IGF1R: variants seen among roughly 807,000 people sequenced by gnomAD.
The protein encoded by IGF1R is insulin like growth factor 1 receptor.
In IGF1R, 44 loss-of-function variants were observed where a neutral mutation model predicts 144.6. That is an observed-to-expected ratio of 0.30 (90% confidence interval 0.24 to 0.39). The LOEUF (loss-of-function observed/expected upper bound fraction) is 0.39, where lower values mean the gene tolerates loss of function less well. IGF1R is among the 10% of genes least tolerant of loss of function. IGF1R has a pLI of 1.00. For synonymous variants in IGF1R, 795 were observed against 722.8 expected, an observed-to-expected ratio of 1.10 and a Z score of -1.60; for missense variants, 1,355 against 1,833.7, an observed-to-expected ratio of 0.74 and a Z score of 4.77.
intron 2 of IGF1R, among the ~76,000 whole-genome samples, chr15:98,798,681 A>T (rs1269195337): frequency 6.6e-6 from 1 of 151,770 alleles, no homozygotes; most frequent in East Asian, 1.9e-4. Flanking sequence ...AGTGAGGAGG[A>T]TGAGATGAGG....
At chr15:98,815,075 T>TA (rs1334151281) in intron 2 of IGF1R, among the ~76,000 whole-genome samples, 3 of 152,260 alleles carry the variant, frequency 2.0e-5, no homozygotes, top group African/African-American at 7.2e-5. Context: ...TTAGCTCTAT[T>TA]CTGATACTGT....
At chr15:98,944,181 G>T (rs1387621054) in intron 19 of IGF1R, among the ~76,000 whole-genome samples, 1 of 152,154 alleles carries the variant, frequency 6.6e-6, no homozygotes, top group Non-Finnish European at 1.5e-5. Context: ...AGGTCAGCTT[G>T]TAGTATAATA....
At chr15:98,815,151 C>T (rs1034082600) in intron 2 of IGF1R, among the ~76,000 whole-genome samples, 1 of 152,106 alleles carries the variant, frequency 6.6e-6, no homozygotes, top group East Asian at 1.9e-4. Context: ...AAATCATATT[C>T]GAAATTTAAT....
chr15:98,681,269 C>T (rs943389410), intron 1 of IGF1R, among the ~76,000 whole-genome samples: 4 of 152,196 alleles, frequency 2.6e-5, no homozygotes, highest in African/African-American at 9.7e-5. Flanking sequence ...TACTTTCTGC[C>T]TGCACCTTGT....
chr15:98,962,397 G>A lies in IGF1R; in HGVS notation c.*4955G>A, dbSNP rs1170025208. On this transcript the variant is annotated 3_prime_UTR_variant, in exon 21 of 21. Coordinates refer to ENST00000650285, the MANE Select transcript of IGF1R (RefSeq NM_000875.5). Reference sequence around the variant, plus strand: ...GCAGCATTGGGAGATGTGGACCAGAGATCCACTCCTTAAGAACCAGTGGCG... The same window carrying A: ...GCAGCATTGGGAGATGTGGACCAGAAATCCACTCCTTAAGAACCAGTGGCG... The A allele has an allele frequency of 4.3e-6, 1 of 233,644 alleles. No homozygotes were observed. The highest frequency in any genetic ancestry group is 2.2e-5 in the African/African-American group (1 of 45,366). The allele number at this position is 233,644 out of a possible 1,614,324, so 14.5% of individuals were successfully genotyped here.
chr15:98,938,604 G>T (rs1464337345), intron 17 of IGF1R, among the ~76,000 whole-genome samples: 1 of 152,148 alleles, frequency 6.6e-6, no homozygotes, highest in African/African-American at 2.4e-5. Context: ...CTTGTCTTCC[G>T]TAATGCCGAC....
In IGF1R at chr15:98,682,915, C is replaced by G. The variant is rs559844240; in HGVS notation, c.95-24647C>G. Reference sequence around the variant, plus strand: ...AAATGTGATCAGTGGTTATACTTTTCTTGCTATGCATTTAAGTTGGAGCAG... The same window carrying G: ...AAATGTGATCAGTGGTTATACTTTTGTTGCTATGCATTTAAGTTGGAGCAG... On this transcript the variant is annotated intron_variant, in intron 1 of 20. Coordinates refer to ENST00000650285, the MANE Select transcript of IGF1R (RefSeq NM_000875.5). Among the ~76,000 whole-genome samples, 9 of 151,878 alleles carry G rather than the reference C, an allele frequency of 5.9e-5. No homozygotes were observed. In the East Asian group the frequency reaches 1.6e-3, roughly 26 times the overall value.
chr15:98,712,422 T>A (rs995422748), intron 2 of IGF1R, among the ~76,000 whole-genome samples: 1 of 152,138 alleles, frequency 6.6e-6, no homozygotes, highest in African/African-American at 2.4e-5. Context: ...GGTTCTTATG[T>A]CAGGAATGTG....
chr15:98,909,783 T>C (rs1437373710), intron 6 of IGF1R, among the ~76,000 whole-genome samples: 5 of 152,232 alleles, frequency 3.3e-5, no homozygotes, highest in African/African-American at 1.2e-4. Flanking sequence ...TATTGCTTTT[T>C]AAATTGAGAA....
intron 15 of IGF1R, among the ~76,000 whole-genome samples, chr15:98,930,949 A>C (rs1331750569): frequency 6.6e-6 from 1 of 152,030 alleles, no homozygotes; most frequent in Non-Finnish European, 1.5e-5. Flanking sequence ...AGTGAGTCGG[A>C]TTAGGGTGAG....
At chr15:98,916,984 T>A in intron 10 of IGF1R, 108 bp downstream of exon 10, 1 of 922,726 alleles carries the variant, frequency 1.1e-6, no homozygotes, top group Non-Finnish European at 1.8e-6. Context: ...GGGGGTACAA[T>A]ACAGTAGCCA....
chr15:98,880,995 C>G (rs1269458686), intron 2 of IGF1R: 1 of 152,026 alleles, frequency 6.6e-6, no homozygotes, highest in African/African-American at 2.4e-5. Flanking sequence ...AGTGTATTTT[C>G]TTCATCAATT....
At chr15:98,688,978 G>A (rs2053405368) in intron 1 of IGF1R, among the ~76,000 whole-genome samples, 1 of 152,126 alleles carries the variant, frequency 6.6e-6, no homozygotes, top group South Asian at 2.1e-4. Context: ...TGTGTGGTGG[G>A]CGACGACTTT....
intron 2 of IGF1R, among the ~76,000 whole-genome samples, chr15:98,819,127 G>T: frequency 6.6e-6 from 1 of 152,046 alleles, no homozygotes; most frequent in East Asian, 1.9e-4. Flanking sequence ...ATCCAGGGGG[G>T]GCAAGCTAAG....
intron 10 of IGF1R, among the ~76,000 whole-genome samples, chr15:98,919,356 C>G (rs1385193762): frequency 6.6e-6 from 1 of 152,168 alleles, no homozygotes. Context: ...TTGTTTTTCT[C>G]TATCATGGGC....
At chr15:98,937,037 C>T (rs1469699002) in intron 17 of IGF1R, among the ~76,000 whole-genome samples, 1 of 152,144 alleles carries the variant, frequency 6.6e-6, no homozygotes, top group African/African-American at 2.4e-5. Flanking sequence ...AGGTGTGTAC[C>T]ACCACGCCCA....
intron 8 of IGF1R, among the ~76,000 whole-genome samples, chr15:98,915,717 A>G (rs1171352316): frequency 2.6e-5 from 4 of 152,178 alleles, no homozygotes; most frequent in Non-Finnish European, 4.4e-5. Context: ...GCCTTTTTCC[A>G]TTTACAACTC....
At chr15:98,955,977 G>A (rs142598952) in intron 20 of IGF1R, among the ~76,000 whole-genome samples, 1 of 152,370 alleles carries the variant, frequency 6.6e-6, no homozygotes, top group African/African-American at 2.4e-5. Context: ...TCACGCTCAT[G>A]TAAGAGAGGG....
intron 2 of IGF1R, among the ~76,000 whole-genome samples, chr15:98,742,959 C>T (rs1307122688): frequency 6.6e-6 from 1 of 152,104 alleles, no homozygotes; most frequent in African/African-American, 2.4e-5. Flanking sequence ...ATCACTTGAA[C>T]CTGGGAGGAG....
Sources: allele counts gnomAD v4.1 joint callset (sites outside exome capture counted in the v4.1 genomes callset), GRCh38; gene constraint gnomAD v4.1.1; transcripts MANE v1.5; gene names NCBI Gene and HGNC (gene_info 2026-07-23, HGNC 2026-07-21).